Variants in ADAMTS6 observed in about 807,000 individuals in gnomAD.
ADAMTS6 encodes ADAM metallopeptidase with thrombospondin type 1 motif 6.
ADAMTS6 carries 23 observed loss-of-function variants against 144.3 expected under a neutral mutation model. That is an observed-to-expected ratio of 0.16 (90% confidence interval 0.11 to 0.23). The LOEUF is 0.23. Among genes scored for constraint, ADAMTS6 ranks in the 10% least tolerant of loss-of-function variants. ADAMTS6 has a pLI of 1.00. For missense variants in ADAMTS6, 999 were observed against 1,379.6 expected (o/e 0.72, Z 4.37); for synonymous variants, 444 against 457.5 (o/e 0.97, Z 0.38).
chr5:65,204,753 T>A (rs1375207289), intron 20 of ADAMTS6, among the ~76,000 whole-genome samples: 2 of 152,214 alleles, frequency 1.3e-5, no homozygotes, highest in African/African-American at 4.8e-5. Context: ...TGTATTATTT[T>A]AAAAATCTCA....
chr5:65,399,307 T>C (rs1753719750), intron 7 of ADAMTS6, among the ~76,000 whole-genome samples: 1 of 152,218 alleles, frequency 6.6e-6, no homozygotes, highest in Non-Finnish European at 1.5e-5. Context: ...GGGTCTTATT[T>C]TTCTTATTCA....
chr5:65,152,732 G>A (rs1379529687), intron 24 of ADAMTS6, among the ~76,000 whole-genome samples: 1 of 152,206 alleles, frequency 6.6e-6, no homozygotes, highest in African/African-American at 2.4e-5. Flanking sequence ...AGGGTCCAGT[G>A]TAGAGAAAGG....
At chr5:65,395,054 G>A (rs899581447) in intron 7 of ADAMTS6, among the ~76,000 whole-genome samples, 3 of 151,960 alleles carry the variant, frequency 2.0e-5, no homozygotes, top group African/African-American at 7.2e-5. Flanking sequence ...GCAAGTAGAA[G>A]ACTAGACCTG....
intron 7 of ADAMTS6, among the ~76,000 whole-genome samples, chr5:65,445,763 A>G (rs1758230923): frequency 6.6e-6 from 1 of 152,200 alleles, no homozygotes; most frequent in Admixed American, 6.5e-5. Context: ...GAAACCAACA[A>G]GGCACGGATA....
chr5:65,386,834 G>A (rs1016434553), intron 7 of ADAMTS6, among the ~76,000 whole-genome samples: 3 of 152,140 alleles, frequency 2.0e-5, no homozygotes, highest in African/African-American at 4.8e-5. Context: ...TGATCCATTC[G>A]CCTCGGCCTC....
intron 24 of ADAMTS6, among the ~76,000 whole-genome samples, chr5:65,156,607 T>C (rs1053245679): frequency 1.3e-5 from 2 of 152,220 alleles, no homozygotes; most frequent in African/African-American, 4.8e-5. Flanking sequence ...TTCAAAAGAA[T>C]TACTTAGTTT....
intron 21 of ADAMTS6, among the ~76,000 whole-genome samples, chr5:65,192,318 A>G (rs539762269): frequency 3.9e-5 from 6 of 152,208 alleles, no homozygotes; most frequent in African/African-American, 7.2e-5. Context: ...CCCTCAGGAA[A>G]GAGAACCATT....
At chr5:65,379,001 C>T (rs1271503185) in intron 7 of ADAMTS6, among the ~76,000 whole-genome samples, 8 of 152,036 alleles carry the variant, frequency 5.3e-5, no homozygotes, top group Non-Finnish European at 1.0e-4. Context: ...TCTTCAAAAT[C>T]TGTTTTTAAT....
rs1756835707 is a variant in ADAMTS6 at position 65,215,313 on chromosome 5, G to A, written c.2436+11C>T. The A allele has an allele frequency of 1.9e-6, 3 of 1,611,616 alleles. No homozygotes were observed. The highest frequency in any genetic ancestry group is 2.5e-6 in the Non-Finnish European group (3 of 1,179,068). On this transcript the variant is annotated intron_variant, in intron 19 of 24. Transcript: ENST00000381055. ...AAAACAGAAGAAATACAATGGCAAA[G>A]ACGCATTTACCATGACGATGAGATT...
At chr5:65,361,876 A>G (rs1435469699) in intron 7 of ADAMTS6, among the ~76,000 whole-genome samples, 1 of 152,044 alleles carries the variant, frequency 6.6e-6, no homozygotes, top group Non-Finnish European at 1.5e-5. Context: ...CTGGGATGAC[A>G]GGCATGGGCC....
At position 65,151,774 on chromosome 5, in the gene ADAMTS6, T is replaced by TC; in HGVS notation, c.*61dup. On this transcript the variant is annotated 3_prime_UTR_variant, in exon 25 of 25. Transcript: ENST00000381055. ...CATCAATCCTCTTCCTCTGGGTGGC[T>TC]CTCTTTGATGGATGCATTTCCATGA... 7.0e-7 allele frequency: 1 copy of TC among 1,437,526 alleles called. No individual in the cohort carries two copies. The highest frequency in any genetic ancestry group is 9.7e-7 in the Non-Finnish European group (1 of 1,025,878). 89.0% of individuals were successfully genotyped at this position (1,437,526 alleles called of 1,614,324 possible).
At chr5:65,216,553 G>A (rs1756932975) in intron 18 of ADAMTS6, among the ~76,000 whole-genome samples, 1 of 152,004 alleles carries the variant, frequency 6.6e-6, no homozygotes, top group African/African-American at 2.4e-5. Flanking sequence ...TTTATGTAAT[G>A]TTAATTTCAC....
chr5:65,464,248 G>A (rs189768150), intron 3 of ADAMTS6, among the ~76,000 whole-genome samples: 323 of 152,126 alleles, frequency 2.1e-3, no homozygotes, highest in African/African-American at 7.6e-3. Flanking sequence ...TTTAAATGCA[G>A]AAAAAATATA....
intron 7 of ADAMTS6, among the ~76,000 whole-genome samples, chr5:65,409,970 G>A (rs1404191613): frequency 2.0e-5 from 3 of 152,190 alleles, no homozygotes; most frequent in East Asian, 3.9e-4. Context: ...AGGTTTGACC[G>A]CTATTAAAAT....
chr5:65,170,946 C>T (rs374679799), intron 23 of ADAMTS6, among the ~76,000 whole-genome samples, 173 bp from the exon 24 acceptor site: 3 of 151,550 alleles, frequency 2.0e-5, no homozygotes, highest in Non-Finnish European at 4.4e-5. Context: ...TCAAGCAATC[C>T]TCCTGCCTTG....
chr5:65,460,983 A>C (rs999016510), intron 3 of ADAMTS6, among the ~76,000 whole-genome samples: 4 of 152,226 alleles, frequency 2.6e-5, no homozygotes, highest in African/African-American at 9.7e-5. Context: ...TATGTTCTTA[A>C]TTAACACACA....
chr5:65,247,132 A>G (rs1580174916), intron 14 of ADAMTS6, among the ~76,000 whole-genome samples: 1 of 152,276 alleles, frequency 6.6e-6, no homozygotes, highest in East Asian at 1.9e-4. Flanking sequence ...TCCTTTAAAA[A>G]ACAAACTAGC....
At chr5:65,276,730 A>G (rs978410560) in intron 11 of ADAMTS6, among the ~76,000 whole-genome samples, 2 of 152,234 alleles carry the variant, frequency 1.3e-5, no homozygotes, top group African/African-American at 4.8e-5. Context: ...AGGCTCTAAT[A>G]AAGTTAAATG....
intron 12 of ADAMTS6, among the ~76,000 whole-genome samples, chr5:65,269,790 C>CCTT (rs1561355788): frequency 3.8e-5 from 5 of 133,212 alleles, no homozygotes; most frequent in African/African-American, 5.5e-5. Context: ...AGTGTAAGTA[C>CCTT]TTTTTTTTTT....
Sources: allele counts gnomAD v4.1 joint callset (sites outside exome capture counted in the v4.1 genomes callset), GRCh38; gene constraint gnomAD v4.1.1; transcripts MANE v1.5; gene names NCBI Gene and HGNC (gene_info 2026-07-23, HGNC 2026-07-21).